PDS5A: variants seen among roughly 807,000 people sequenced by gnomAD.
PDS5A encodes sister chromatid cohesion protein PDS5 homolog A.
A neutral mutation model predicts 167.1 loss-of-function variants in PDS5A; 42 were observed. The ratio of observed to expected loss-of-function variants is 0.25; its 90% confidence interval spans 0.20 to 0.33. PDS5A has a LOEUF of 0.33. Ranked by LOEUF, PDS5A falls within the 10% of genes least tolerant of loss-of-function variation. The pLI is 1.00. For synonymous variants in PDS5A, 553 were observed against 554.6 expected, an observed-to-expected ratio of 1.00 and a Z score of 0.04; for missense variants, 1,033 against 1,605.9, an observed-to-expected ratio of 0.64 and a Z score of 6.10.
chr4:39,899,995 C>A (rs1722740810), intron 14 of PDS5A, among the ~76,000 whole-genome samples: 1 of 151,812 alleles, frequency 6.6e-6, no homozygotes. Flanking sequence ...TTTTTTTCCC[C>A]AACCTTGCAA....
chr4:39,839,554 G>A (rs1050264753), intron 31 of PDS5A, among the ~76,000 whole-genome samples: 2 of 152,078 alleles, frequency 1.3e-5, no homozygotes, highest in Non-Finnish European at 1.5e-5. Flanking sequence ...GGGCAACAGA[G>A]AAAGACTCCA....
intron 12 of PDS5A, among the ~76,000 whole-genome samples, chr4:39,903,629 G>A (rs556998780): frequency 1.3e-5 from 2 of 152,312 alleles, no homozygotes; most frequent in East Asian, 3.9e-4. Context: ...GGGCTAGGAT[G>A]CTTTATATTC....
intron 31 of PDS5A, among the ~76,000 whole-genome samples, chr4:39,839,269 T>C (rs935305569): frequency 4.0e-5 from 6 of 151,708 alleles, no homozygotes; most frequent in African/African-American, 7.3e-5. Flanking sequence ...TAGCAAGAGA[T>C]TGATCTAAAA....
chr4:39,969,321 A>G (rs2109822811), intron 2 of PDS5A, among the ~76,000 whole-genome samples: 1 of 152,276 alleles, frequency 6.6e-6, no homozygotes, highest in Middle Eastern at 3.4e-3. Context: ...GTTGACTCCA[A>G]AATTCTAAGT....
At chr4:39,850,294 C>A (rs1487378644) in intron 26 of PDS5A, among the ~76,000 whole-genome samples, 1 of 148,986 alleles carries the variant, frequency 6.7e-6, no homozygotes. Flanking sequence ...AAAAGAAATT[C>A]GAGACTAGCC....
rs1379732594 is a variant in PDS5A, at chr4:39,845,891, A to G, written c.3340-11T>C. 2.2e-6 allele frequency: 3 copies of G among 1,341,462 alleles called. No homozygotes were observed. Among genetic ancestry groups the G allele is most frequent in the African/African-American group, 3.1e-5 (2 of 65,066 alleles). 83.1% of individuals were successfully genotyped at this position (1,341,462 alleles called of 1,614,324 possible). A position where few individuals can be genotyped will look rare whatever the true frequency, so the allele number is the denominator to read the frequency against. ...ATCGTTACAGAAGTCCTATTAAAAA[A>G]AAAAAAGAAAAAGAAAAAAGAAACA... On this transcript the variant is annotated splice_polypyrimidine_tract_variant and intron_variant, in intron 28 of 32. Transcript: ENST00000303538.
At chr4:39,972,433 T>C (rs1341622127) in intron 2 of PDS5A, among the ~76,000 whole-genome samples, 1 of 152,098 alleles carries the variant, frequency 6.6e-6, no homozygotes, top group Non-Finnish European at 1.5e-5. Flanking sequence ...GGCAGGAGAA[T>C]CGCTTGAACC....
intron 2 of PDS5A, among the ~76,000 whole-genome samples, chr4:39,968,433 ATTTTT>A (rs375287668): frequency 7.4e-6 from 1 of 134,592 alleles, no homozygotes; most frequent in African/African-American, 2.7e-5. Context: ...TATAATATTA[ATTTTT>A]TTTTTTTTTT....
chr4:39,835,685 G>A (rs1716321949), intron 32 of PDS5A, among the ~76,000 whole-genome samples: 1 of 152,130 alleles, frequency 6.6e-6, no homozygotes, highest in African/African-American at 2.4e-5. Flanking sequence ...ACCAAGCCCA[G>A]CTAATTTTTG....
chr4:39,862,348 T>C lies in PDS5A; in HGVS notation c.2972-15A>G. The C allele has an allele frequency of 8.0e-7, 1 of 1,246,780 alleles. No homozygotes were observed. Among genetic ancestry groups the C allele is most frequent in the South Asian group, 1.4e-5 (1 of 74,002 alleles). The allele number at this position is 1,246,780 out of a possible 1,614,324, so 77.2% of individuals were successfully genotyped here. On this transcript the variant is annotated splice_polypyrimidine_tract_variant and intron_variant, in intron 25 of 32. Transcript: ENST00000303538. ...TAATAATTTCTCTGAAGTAAAAACA[T>C]TATTAAAAACAACCTTTATAAAATG...
intron 7 of PDS5A, among the ~76,000 whole-genome samples, chr4:39,918,192 A>AAC (rs1724574739): frequency 6.6e-6 from 1 of 151,484 alleles, no homozygotes; most frequent in South Asian, 2.1e-4. Context: ...CAAAAAAAAA[A>AAC]AAAAAAAAAC....
chr4:39,904,327 A>C (rs1348369936), intron 11 of PDS5A, 136 bp from the exon 12 acceptor site: 6 of 480,166 alleles, frequency 1.2e-5, no homozygotes, highest in Admixed American at 8.2e-5. Context: ...TCTTCAAAAG[A>C]GGCTTTACAA....
At chr4:39,856,964 A>G (rs1234951409) in intron 26 of PDS5A, among the ~76,000 whole-genome samples, 1 of 152,220 alleles carries the variant, frequency 6.6e-6, no homozygotes, top group African/African-American at 2.4e-5. Context: ...GATGTAGAAG[A>G]GCAATGTGTC....
chr4:39,919,977 G>T (rs1161622500), intron 7 of PDS5A, among the ~76,000 whole-genome samples: 4 of 150,928 alleles, frequency 2.7e-5, no homozygotes, highest in Non-Finnish European at 1.5e-5. Flanking sequence ...CAGGACTTCA[G>T]AAGAATGACC....
intron 2 of PDS5A, among the ~76,000 whole-genome samples, chr4:39,940,872 T>C (rs1027618455): frequency 5.9e-5 from 9 of 152,242 alleles, no homozygotes; most frequent in African/African-American, 1.7e-4. Flanking sequence ...GATTTCATCA[T>C]GTTGCCCAGG....
At chr4:39,969,227 G>A (rs1730273509) in intron 2 of PDS5A, among the ~76,000 whole-genome samples, 1 of 152,172 alleles carries the variant, frequency 6.6e-6, no homozygotes, top group Non-Finnish European at 1.5e-5. Context: ...AGCTTTAGGT[G>A]ACTAGCGTTG....
intron 5 of PDS5A, among the ~76,000 whole-genome samples, chr4:39,923,540 A>T (rs1725189475): frequency 6.6e-6 from 1 of 150,890 alleles, no homozygotes; most frequent in Non-Finnish European, 1.5e-5. Flanking sequence ...GAAGGCTGAC[A>T]TGGGAGGATC....
chr4:39,926,454 G>T (rs1269086808), intron 4 of PDS5A, among the ~76,000 whole-genome samples: 2 of 150,198 alleles, frequency 1.3e-5, no homozygotes, highest in Non-Finnish European at 3.0e-5. Flanking sequence ...GGAGGCGGAG[G>T]TTGTGGTGAG....
In PDS5A at chr4:39,862,888, C is replaced by T. The variant is rs1486654104; in HGVS notation, c.2952G>A (p.Lys984=). 8 of 1,607,718 alleles carry T rather than the reference C, an allele frequency of 5.0e-6. No individual in the cohort carries two copies. Among genetic ancestry groups the T allele is most frequent in the African/African-American group, 1.3e-5 (1 of 74,994 alleles). The change falls in exon 25 of 33, where the codon AAG becomes AAA. Residue 984 remains lysine, a synonymous_variant. Coordinates refer to ENST00000303538, the MANE Select transcript of PDS5A (RefSeq NM_001100399.2). ...KNISIRREYI[K]QNPMATEKLL... ...ACTTACCAGTAGCCATAGGATTCTG[C>T]TTAATGTATTCCCTGCGTATACTGA...
Sources: gnomAD v4.1 joint callset for allele counts (sites outside exome capture counted in the v4.1 genomes callset) on GRCh38, gnomAD v4.1.1 for gene constraint, MANE v1.5 for transcripts, NCBI Gene and HGNC (gene_info 2026-07-23, HGNC 2026-07-21) for gene names.